Variants in PUM2 observed in about 807,000 individuals in gnomAD.
The protein encoded by PUM2 is pumilio RNA binding family member 2.
Under a neutral mutation model 124.5 loss-of-function variants are expected in PUM2, and 57 were observed. The observed-to-expected ratio is 0.46, with a 90% CI of 0.37 to 0.57. The LOEUF is 0.57. Among genes scored for constraint, PUM2 ranks in the 20% least tolerant of loss-of-function variants. The pLI is 0.00. For missense variants in PUM2, 1,065 were observed against 1,290.6 expected (o/e 0.83, Z 2.68); for synonymous variants, 460 against 446.1 (o/e 1.03, Z -0.39).
At chr2:20,266,817 T>C (rs1290592481) in intron 13 of PUM2, among the ~76,000 whole-genome samples, 2 of 151,956 alleles carry the variant, frequency 1.3e-5, no homozygotes, top group Non-Finnish European at 2.9e-5. Context: ...AATTTGACAA[T>C]GGGCCCCCAT....
At position 20,283,363 on chromosome 2, in the gene PUM2, C is replaced by G. The variant is rs751927572; in HGVS notation, c.1415G>C (p.Ser472Thr). 6.2e-7 allele frequency: 1 copy of G among 1,614,078 alleles called. No homozygotes were observed. Among genetic ancestry groups the G allele is most frequent in the South Asian group, 1.1e-5 (1 of 91,084 alleles). The part of the protein sequence containing the change: ...RLMAPTPVLI[S>T]SAAAQAAAAA... The stretch of plus-strand genomic sequence containing the variant: ...CTTACCAGCTTGTGCTGCTGCTGAA[C>G]TAATTAAAACAGGTGTTGGAGCCAT... Residue 472 changes from serine to threonine, a missense_variant, in exon 11 of 21, where the codon AGT becomes ACT. By Grantham distance (58) the Ser-to-Thr change is moderately conservative (BLOSUM62 1). This residue lies in a region of PUM2 where 968 missense variants were observed against 1,159.8 expected (regional missense o/e 0.83). Coordinates refer to ENST00000361078, the MANE Select transcript of PUM2 (RefSeq NM_015317.5).
chr2:20,265,497 T>C (rs1262925861), intron 13 of PUM2, among the ~76,000 whole-genome samples: 1 of 152,228 alleles, frequency 6.6e-6, no homozygotes, highest in Non-Finnish European at 1.5e-5. Context: ...TTCTTTAAAA[T>C]TGGGTCCTTA....
chr2:20,301,521 C>T (rs1343834161), intron 7 of PUM2, among the ~76,000 whole-genome samples: 1 of 152,168 alleles, frequency 6.6e-6, no homozygotes, highest in South Asian at 2.1e-4. Context: ...TAATCTATAA[C>T]TGTACTTTAA....
At chr2:20,307,008 A>C (rs1234402075) in intron 7 of PUM2, among the ~76,000 whole-genome samples, 1 of 151,938 alleles carries the variant, frequency 6.6e-6, no homozygotes, top group East Asian at 2.0e-4. Flanking sequence ...TGAGATCCGG[A>C]GTTCAAGACC....
chr2:20,340,406 T>C (rs913519411), intron 1 of PUM2, among the ~76,000 whole-genome samples: 2 of 152,234 alleles, frequency 1.3e-5, no homozygotes, highest in African/African-American at 4.8e-5. Flanking sequence ...AGTACATATA[T>C]GGTGAGGACC....
intron 3 of PUM2, among the ~76,000 whole-genome samples, chr2:20,317,140 C>T (rs192746552): frequency 2.3e-4 from 35 of 151,658 alleles, no homozygotes; most frequent in Middle Eastern, 3.4e-3. Context: ...GAGACTGCAG[C>T]GAGCTAAGAT....
chr2:20,256,652 G>A (rs960272791), intron 16 of PUM2, among the ~76,000 whole-genome samples: 3 of 152,180 alleles, frequency 2.0e-5, no homozygotes, highest in Admixed American at 6.5e-5. Flanking sequence ...AGAAGTTGAT[G>A]ACTACTTATG....
chr2:20,255,492 C>A lies in PUM2; in HGVS notation c.2623-151G>T. ...GAACTCACATTTAATATGACTACCA[C>A]CATGTTAGAAAAGACTGGAGAGTGG... is the stretch of plus-strand genomic sequence containing the variant. On this transcript the variant is annotated intron_variant, in intron 17 of 20. Transcript: ENST00000361078. The A allele has an allele frequency of 5.5e-6, 4 of 732,836 alleles. No individual in the cohort carries two copies. In the South Asian group the frequency reaches 7.8e-5, roughly 14 times the overall value. 45.4% of individuals were successfully genotyped at this position (732,836 alleles called of 1,614,324 possible).
At chr2:20,301,660 T>G (rs1405768103) in intron 7 of PUM2, among the ~76,000 whole-genome samples, 1 of 152,160 alleles carries the variant, frequency 6.6e-6, no homozygotes, top group African/African-American at 2.4e-5. Flanking sequence ...TGATCATGGC[T>G]AATTTCAGCC....
At chr2:20,336,223 A>AT (rs1685988284) in intron 1 of PUM2, among the ~76,000 whole-genome samples, 1 of 151,850 alleles carries the variant, frequency 6.6e-6, no homozygotes, top group Non-Finnish European at 1.5e-5. Flanking sequence ...GGGTCTCACT[A>AT]TTGCCCAGGA....
chr2:20,344,818 T>C (rs1687906773), intron 1 of PUM2, among the ~76,000 whole-genome samples: 1 of 151,254 alleles, frequency 6.6e-6, no homozygotes, highest in Non-Finnish European at 1.5e-5. Context: ...CCGTCTCTAC[T>C]AAAAATACAA....
intron 13 of PUM2, among the ~76,000 whole-genome samples, chr2:20,265,390 T>C (rs1667417994): frequency 6.6e-6 from 1 of 152,242 alleles, no homozygotes; most frequent in South Asian, 2.1e-4. Flanking sequence ...AGTTCAGTGT[T>C]TCAATACTGT....
rs1251242778 is a variant in PUM2, at chr2:20,311,563, T to C, written c.449A>G (p.Asp150Gly). 1 of 1,613,494 alleles carries C rather than the reference T, an allele frequency of 6.2e-7. No individual in the cohort carries two copies. The highest frequency in any genetic ancestry group is 8.5e-7 in the Non-Finnish European group (1 of 1,179,622). The change falls in exon 5 of 21, where the codon GAT becomes GGT. Residue 150 changes from aspartate to glycine, a missense_variant. Around this residue, in one of 3 missense-constraint regions of PUM2, gnomAD observed 968 missense variants for 1,159.8 expected, o/e 0.83. Coordinates refer to ENST00000361078, the MANE Select transcript of PUM2 (RefSeq NM_015317.5). ...EDQNRDLKQG[D>G]DDDSKINGRG... Reference sequence around the variant, plus strand: ...GCCATTTATTTTAGAATCATCATCATCTCCTTGTTTAAGATCTCTGTTTTG... The same window carrying C: ...GCCATTTATTTTAGAATCATCATCACCTCCTTGTTTAAGATCTCTGTTTTG...
intron 16 of PUM2, 66 bp from the exon 17 acceptor site, chr2:20,256,236 C>A: frequency 7.1e-7 from 1 of 1,415,556 alleles, no homozygotes; most frequent in Non-Finnish European, 9.4e-7. Context: ...TATTTTATCT[C>A]AGTATTAAAA....
rs1670810266 is a variant in PUM2 at position 20,278,666 on chromosome 2, G to A, written c.1874C>T (p.Pro625Leu). The A allele has an allele frequency of 1.9e-6, 3 of 1,613,294 alleles. No individual in the cohort carries two copies. Among genetic ancestry groups the A allele is most frequent in the African/African-American group, 1.3e-5 (1 of 74,814 alleles). ...ATGTCCTGGAGTTTGGCTTGGCAGA[G>A]GCATGCCTATTGGACTTGGAGAGGA... ...FSSSPSPIGM[P>L]LPSQTPGHSL... is the part of the protein sequence containing the mutation. The change falls in exon 13 of 21, where the codon CCT (proline) becomes CTT (leucine). Residue 625 changes from proline to leucine, a missense_variant. By Grantham distance (98) the Pro-to-Leu change is moderately conservative. Around this residue, in one of 3 missense-constraint regions of PUM2, gnomAD observed 968 missense variants for 1,159.8 expected, o/e 0.83. Coordinates refer to ENST00000361078, the MANE Select transcript of PUM2 (RefSeq NM_015317.5).
chr2:20,312,182 TAACCAAATAACTCTC>T (rs1679756130), intron 4 of PUM2, 39 bp downstream of exon 4: 1 of 1,448,058 alleles, frequency 6.9e-7, no homozygotes, highest in Admixed American at 2.1e-5. Context: ...AAAAGTAACG[TAACCAAATAACTCTC>T]AAGCAAATAT....
intron 13 of PUM2, among the ~76,000 whole-genome samples, chr2:20,266,450 C>T (rs1051477194): frequency 2.7e-4 from 38 of 140,530 alleles, no homozygotes; most frequent in African/African-American, 1.0e-3. Flanking sequence ...GTCTCAAAAA[C>T]GAAACAAAAC....
chr2:20,347,510 A>C (rs1462080326), intron 1 of PUM2, among the ~76,000 whole-genome samples: 1 of 152,220 alleles, frequency 6.6e-6, no homozygotes, highest in Non-Finnish European at 1.5e-5. Context: ...GAAAATAGAA[A>C]ACTTCCACTT....
chr2:20,307,243 T>C lies in PUM2; in HGVS notation c.883+735A>G, dbSNP rs928525787. 3.3e-5 allele frequency among the ~76,000 whole-genome samples: 5 copies of C among 151,772 alleles called. No individual in the cohort carries two copies. The East Asian group carries it at 7.8e-4, about 24-fold the overall frequency. ...ATAAACAAACAAAAAAACTGAAAAA[T>C]AAAAATTAGGGCTTAGGAAGCCTTA... On this transcript the variant is annotated intron_variant, in intron 7 of 20. Coordinates refer to ENST00000361078, the MANE Select transcript of PUM2 (RefSeq NM_015317.5).
Sources: gnomAD v4.1 joint callset for allele counts (sites outside exome capture counted in the v4.1 genomes callset) on GRCh38, gnomAD v4.1.1 for gene constraint, gnomAD v4.1.1 regional missense constraint, MANE v1.5 for transcripts, NCBI Gene and HGNC (gene_info 2026-07-23, HGNC 2026-07-21) for gene names.